The following MYO16 variants were observed in gnomAD, a reference collection of about 807,000 sequenced individuals.
The protein encoded by MYO16 is unconventional myosin-XVI.
Under a neutral mutation model 205.3 loss-of-function variants are expected in MYO16, and 94 were observed. The observed-to-expected ratio is 0.46, with a 90% CI of 0.39 to 0.54. The LOEUF (loss-of-function observed/expected upper bound fraction) is 0.54, where lower values mean the gene tolerates loss of function less well. MYO16 is among the 20% of genes least tolerant of loss of function. MYO16 has a pLI of 0.00. For synonymous variants in MYO16, 988 were observed against 954.0 expected (o/e 1.04, Z -0.66); for missense variants, 2,315 against 2,387.5 (o/e 0.97, Z 0.63).
At chr13:109,012,360 G>A (rs899110651) in intron 22 of MYO16, among the ~76,000 whole-genome samples, 4 of 152,210 alleles carry the variant, frequency 2.6e-5, no homozygotes, top group South Asian at 2.1e-4. Context: ...GCATCTCACC[G>A]CCTGAGCTCC....
intron 1 of MYO16, chr13:108,659,317 C>T (rs149670466): frequency 0.039 from 10,996 of 285,028 alleles, 268 homozygotes; most frequent in Middle Eastern, 0.097. Context: ...ATATATAATA[C>T]ACATATATAC....
chr13:109,122,067 A>G (rs1876016786), intron 29 of MYO16, among the ~76,000 whole-genome samples: 1 of 152,170 alleles, frequency 6.6e-6, no homozygotes, highest in African/African-American at 2.4e-5. Flanking sequence ...CACCAGCGAC[A>G]CCAACATCGC....
chr13:108,863,035 C>T (rs1390758437), intron 11 of MYO16, among the ~76,000 whole-genome samples: 1 of 152,070 alleles, frequency 6.6e-6, no homozygotes, highest in Non-Finnish European at 1.5e-5. Context: ...ATAGAGAATA[C>T]AATTTTGATT....
intron 31 of MYO16, among the ~76,000 whole-genome samples, chr13:109,130,383 A>C (rs540178280): frequency 1.1e-4 from 16 of 152,232 alleles, no homozygotes; most frequent in Admixed American, 1.3e-4. Flanking sequence ...CTTACAGTAC[A>C]TAATTCTTCA....
At chr13:108,586,530 A>G in the MYO16 span, among the ~76,000 whole-genome samples, 1 of 152,108 alleles carries the variant, frequency 6.6e-6, no homozygotes, top group Non-Finnish European at 1.5e-5. Context: ...CTGAATCTCA[A>G]CTCCTTCCCT....
chr13:108,671,678 A>T (rs1881993657), intron 2 of MYO16, among the ~76,000 whole-genome samples: 1 of 152,198 alleles, frequency 6.6e-6, no homozygotes, highest in East Asian at 1.9e-4. Flanking sequence ...GCTATATCAA[A>T]ATATCACAGA....
At chr13:108,606,368 G>A (rs1388689538) in intron 1 of MYO16, among the ~76,000 whole-genome samples, 1 of 152,156 alleles carries the variant, frequency 6.6e-6, no homozygotes, top group Non-Finnish European at 1.5e-5. Flanking sequence ...TTGTGTGTCA[G>A]CCTCAGGGCC....
chr13:109,114,809 A>G (rs1875592817), intron 28 of MYO16, among the ~76,000 whole-genome samples: 1 of 152,214 alleles, frequency 6.6e-6, no homozygotes, highest in South Asian at 2.1e-4. Flanking sequence ...ATGGGAAACA[A>G]TTACTGATTG....
intron 4 of MYO16, among the ~76,000 whole-genome samples, chr13:108,740,985 G>C (rs1193039008): frequency 2.0e-5 from 3 of 152,154 alleles, no homozygotes; most frequent in African/African-American, 7.2e-5. Context: ...CCTTGGAAAA[G>C]TGCAGTATTA....
chr13:108,698,274 C>T (rs1429529740), intron 2 of MYO16, among the ~76,000 whole-genome samples: 2 of 152,148 alleles, frequency 1.3e-5, no homozygotes, highest in Non-Finnish European at 2.9e-5. Flanking sequence ...CCTTTCTGAA[C>T]AGCTAAAGGA....
chr13:108,631,678 C>A (rs946117694), intron 1 of MYO16, among the ~76,000 whole-genome samples: 2 of 151,942 alleles, frequency 1.3e-5, no homozygotes, highest in East Asian at 3.9e-4. Flanking sequence ...AGAAATGGTG[C>A]GATGTGTTAA....
intron 2 of MYO16, among the ~76,000 whole-genome samples, chr13:108,672,230 G>T (rs1440893666): frequency 6.6e-6 from 1 of 151,990 alleles, no homozygotes; most frequent in Admixed American, 6.6e-5. Flanking sequence ...ATAAGAAAAA[G>T]TTTTCACTTC....
At chr13:108,608,510 T>G (rs2139312904) in intron 1 of MYO16, among the ~76,000 whole-genome samples, 1 of 152,314 alleles carries the variant, frequency 6.6e-6, no homozygotes, top group Admixed American at 6.5e-5. Context: ...CATCTTAACC[T>G]ATTCCTGACT....
At chr13:108,973,648 A>T (rs183390154) in intron 20 of MYO16, among the ~76,000 whole-genome samples, 1 of 152,118 alleles carries the variant, frequency 6.6e-6, no homozygotes, top group Admixed American at 6.5e-5. Context: ...AAAACTAGTG[A>T]CTCCACTCAG....
chr13:108,798,551 G>A (rs1416276274), intron 6 of MYO16, among the ~76,000 whole-genome samples: 2 of 152,064 alleles, frequency 1.3e-5, no homozygotes, highest in Non-Finnish European at 2.9e-5. Context: ...GTATATGAAG[G>A]TGAATTCATC....
intron 1 of MYO16, among the ~76,000 whole-genome samples, chr13:108,617,450 C>T (rs1879388450): frequency 6.6e-6 from 1 of 152,122 alleles, no homozygotes; most frequent in African/African-American, 2.4e-5. Context: ...AGCAGTTGGG[C>T]AGAGGCTTTT....
rs74364224 is a variant in MYO16 at position 108,775,093 on chromosome 13, T to G, written c.508-10542T>G. ...TCCCCCTGCTTCTCATCCTCTGAAA[T>G]AAAACAACCATGTGTATGGTCAAAT... is the stretch of plus-strand genomic sequence containing the variant. On this transcript the variant is annotated intron_variant, in intron 4 of 34. Coordinates refer to ENST00000457511, the MANE Select transcript of MYO16 (RefSeq NM_001198950.3). 3.6e-3 allele frequency among the ~76,000 whole-genome samples: 552 copies of G among 152,292 alleles called. 2 individuals are homozygous for G. Among genetic ancestry groups the G allele is most frequent in the African/African-American group, 0.012 (516 of 41,556 alleles).
chr13:108,534,302 T>A, the MYO16 span, among the ~76,000 whole-genome samples: 1 of 152,184 alleles, frequency 6.6e-6, no homozygotes, highest in African/African-American at 2.4e-5. Flanking sequence ...ATATTGTTAT[T>A]GAAAGTGGGA....
At chr13:108,933,513 G>T (rs1882350577) in intron 16 of MYO16, among the ~76,000 whole-genome samples, 2 of 151,938 alleles carry the variant, frequency 1.3e-5, no homozygotes, top group South Asian at 4.1e-4. Flanking sequence ...GTGTGTGTGT[G>T]TGTGTATGTG....
Sources: gnomAD v4.1 joint callset for allele counts (sites outside exome capture counted in the v4.1 genomes callset) on GRCh38, gnomAD v4.1.1 for gene constraint, MANE v1.5 for transcripts, NCBI Gene and HGNC (gene_info 2026-07-23, HGNC 2026-07-21) for gene names.